The following LY9 variants were observed in gnomAD, a reference collection of about 807,000 sequenced individuals.
LY9 encodes T-lymphocyte surface antigen Ly-9.
A neutral mutation model predicts 64.6 loss-of-function variants in LY9; 59 were observed. The observed-to-expected ratio is 0.91, with a 90% CI of 0.74 to 1.13. The LOEUF is 1.13. Among genes scored for constraint, LY9 ranks in the 50% most tolerant of loss-of-function variants. The pLI is 0.00. For missense variants in LY9, 789 were observed against 797.2 expected, an observed-to-expected ratio of 0.99 and a Z score of 0.12; for synonymous variants, 281 against 308.5, an observed-to-expected ratio of 0.91 and a Z score of 0.93.
intron 6 of LY9, among the ~76,000 whole-genome samples, chr1:160,818,538 A>G (rs1668134923): frequency 6.6e-6 from 1 of 152,160 alleles, no homozygotes; most frequent in South Asian, 2.1e-4. Flanking sequence ...GGCATGTGGG[A>G]GCAGGGAGAG....
intron 2 of LY9, among the ~76,000 whole-genome samples, chr1:160,803,239 G>A (rs1961611): frequency 0.21 from 31,693 of 151,922 alleles, 3,794 homozygotes; most frequent in Admixed American, 0.33. Flanking sequence ...CCAAGATCAC[G>A]CCACTGAATG....
In LY9 at chr1:160,799,872, G is replaced by C; in HGVS notation, c.244G>C (p.Gly82Arg). Residue 82 changes from glycine (G) to arginine (R), a missense_variant, in exon 2 of 10, where the codon GGT (glycine) becomes CGT (arginine). Physicochemically the swap from Gly to Arg is moderately radical, Grantham distance 125. Transcript: ENST00000263285. ...DTEIENVIWI[G>R]PKNALAFARP... ...AGAGATTGAGAACGTCATCTGGATTGGTCCCAAAAATGCTCTTGCTTTCGC... is the reference window on the plus strand; with the variant it reads ...AGAGATTGAGAACGTCATCTGGATTCGTCCCAAAAATGCTCTTGCTTTCGC... The C allele has an allele frequency of 6.2e-7, 1 of 1,614,130 alleles. No individual in the cohort carries two copies. The highest frequency in any genetic ancestry group is 8.5e-7 in the Non-Finnish European group (1 of 1,180,000).
At chr1:160,823,834 C>A in intron 8 of LY9, 38 bp downstream of exon 8, 1 of 1,492,192 alleles carries the variant, frequency 6.7e-7, no homozygotes, top group Non-Finnish European at 9.3e-7. Context: ...CTCCTCCTCC[C>A]ATGTCTAGCG....
intron 2 of LY9, chr1:160,810,095 T>A (rs1434707101): frequency 6.6e-6 from 1 of 152,320 alleles, no homozygotes; most frequent in East Asian, 1.9e-4. Context: ...GCCAGGCTGA[T>A]CTTGAACTCC....
Position 160,827,868 on chromosome 1 carries a change from G to A in LY9, c.*52G>A. ...CTGGGACCGTGGGGTTGGAAAGTCAGCTGGACCTCATGGGGCCTGGGGCTC... is the reference window on the plus strand; with the variant it reads ...CTGGGACCGTGGGGTTGGAAAGTCAACTGGACCTCATGGGGCCTGGGGCTC... On this transcript the variant is annotated 3_prime_UTR_variant, in exon 10 of 10. Coordinates refer to ENST00000263285, the MANE Select transcript of LY9 (RefSeq NM_002348.4). 2.0e-6 allele frequency: 3 copies of A among 1,474,426 alleles called. No homozygotes were observed. The highest frequency in any genetic ancestry group is 2.8e-6 in the Non-Finnish European group (3 of 1,065,240). The allele number at this position is 1,474,426 out of a possible 1,614,324, so 91.3% of individuals were successfully genotyped here.
intron 2 of LY9, chr1:160,811,970 A>G (rs1367899860): frequency 6.6e-6 from 1 of 152,158 alleles, no homozygotes; most frequent in Non-Finnish European, 1.5e-5. Context: ...GCCACTTCAC[A>G]TTTTTAGATT....
At chr1:160,802,726 A>G in intron 2 of LY9, 1 of 919,618 alleles carries the variant, frequency 1.1e-6, no homozygotes, top group Non-Finnish European at 1.3e-6. Context: ...ATAAATAAAT[A>G]AAAAGTATCT....
At chr1:160,815,689 A>T (rs1394629382) in intron 4 of LY9, among the ~76,000 whole-genome samples, 1 of 152,238 alleles carries the variant, frequency 6.6e-6, no homozygotes, top group African/African-American at 2.4e-5. Flanking sequence ...CCTGGCCCCA[A>T]CCTGCATTTT....
Position 160,805,181 on chromosome 1 carries a change from T to A in LY9, c.454+5099T>A, listed in dbSNP as rs147648650. Among the ~76,000 whole-genome samples the A allele has an allele frequency of 6.2e-3, 949 of 152,228 alleles. 9 individuals carry two copies. The highest frequency in any genetic ancestry group is 0.022 in the African/African-American group (895 of 41,562). ...TTCTTGCTTTTCTAGCTCCTTAAAG[T>A]TCATTGTTACATTATTAATTTGTGA... is the stretch of plus-strand genomic sequence containing the variant. On this transcript the variant is annotated intron_variant, in intron 2 of 9. Transcript: ENST00000263285.
At chr1:160,802,278 C>T (rs899780925) in intron 2 of LY9, 3 of 1,009,212 alleles carry the variant, frequency 3.0e-6, no homozygotes, top group African/African-American at 1.7e-5. Context: ...AAAGACTCCT[C>T]GGGCAGCATG....
rs185053731 is a variant in LY9, at chr1:160,827,612, C to T, written c.1900-136C>T. 731 of 605,922 alleles carry T rather than the reference C, an allele frequency of 1.2e-3. 1 individual carries two copies. The highest frequency in any genetic ancestry group is 1.5e-3 in the Non-Finnish European group (518 of 356,354). The allele number at this position is 605,922 out of a possible 1,614,324, so 37.5% of individuals were successfully genotyped here. A position where few individuals can be genotyped will look rare whatever the true frequency, so the allele number is the denominator to read the frequency against. On this transcript the variant is annotated intron_variant, in intron 9 of 9. Transcript: ENST00000263285. ...TTGGCATCAGGCTGGTTGATTGCGC[C>T]ATCCCTGGGCCAGCACATATGACTC... is the stretch of plus-strand genomic sequence containing the variant.
intron 2 of LY9, among the ~76,000 whole-genome samples, chr1:160,804,189 C>T (rs1001362819): frequency 1.3e-5 from 2 of 152,180 alleles, no homozygotes; most frequent in African/African-American, 4.8e-5. Flanking sequence ...GAAAGGCTTT[C>T]AGCTTTTCCC....
At chr1:160,816,538 G>A (rs765060984) in intron 4 of LY9, 56 bp from the exon 5 acceptor site, 102 of 1,516,520 alleles carry the variant, frequency 6.7e-5, no homozygotes, top group Middle Eastern at 2.1e-4. Flanking sequence ...ATGAAGACAG[G>A]TGACTGCTCA....
intron 2 of LY9, among the ~76,000 whole-genome samples, chr1:160,805,919 C>CTTTTTTTTTTTTTTT (rs60244350): frequency 2.5e-3 from 178 of 72,064 alleles, no homozygotes; most frequent in Middle Eastern, 0.023. Flanking sequence ...CATTCTTTGT[C>CTTTTTTTTTTTTTTT]TTTTTTTTTT....
intron 6 of LY9, among the ~76,000 whole-genome samples, chr1:160,818,710 C>A (rs510143): frequency 0.6 from 90,965 of 151,876 alleles, 27,702 homozygotes; most frequent in South Asian, 0.75. Flanking sequence ...TACTGCAGCC[C>A]GCTGAGGGAA....
At chr1:160,814,901 C>A in intron 4 of LY9, 140 bp downstream of exon 4, 2 of 671,982 alleles carry the variant, frequency 3.0e-6, no homozygotes, top group Non-Finnish European at 5.0e-6. Context: ...CTGTTCAGTT[C>A]ACACCAGTTG....
rs370825546 is a variant in LY9, at chr1:160,814,789, C to T, written c.1072+28C>T. On this transcript the variant is annotated intron_variant, in intron 4 of 9. Coordinates refer to ENST00000263285, the MANE Select transcript of LY9 (RefSeq NM_002348.4). The stretch of plus-strand genomic sequence containing the variant: ...GAGTCTCTGGGCAGGGCACCCATCA[C>T]CAGATTCCTTCTCTGAAAGCTTTCT... The T allele has an allele frequency of 1.1e-5, 18 of 1,572,908 alleles. 1 individual carries two copies. The African/African-American group carries it at 2.4e-4, about 21-fold the overall frequency.
intron 6 of LY9, among the ~76,000 whole-genome samples, 199 bp downstream of exon 6, chr1:160,818,518 G>GA (rs911737044): frequency 6.0e-5 from 9 of 150,802 alleles, no homozygotes; most frequent in South Asian, 2.1e-4. Context: ...GGCTTAGACA[G>GA]AAAAAAAAAG....
Position 160,821,151 on chromosome 1 carries a change from T to TAAAAAAAAAAAAAAAAAAAAA in LY9, c.1498+1795_1498+1796insAAAAAAAAAAAAAAAAAAAAA, listed in dbSNP as rs373539992. Among the ~76,000 whole-genome samples the TAAAAAAAAAAAAAAAAAAAAA allele has an allele frequency of 9.5e-5, 10 of 105,054 alleles. 1 individual carries two copies. Among genetic ancestry groups the TAAAAAAAAAAAAAAAAAAAAA allele is most frequent in the East Asian group, 7.0e-4 (2 of 2,862 alleles). The allele number at this position is 105,054 out of a possible 152,430, so 68.9% of individuals were successfully genotyped here. ...CTGGGCAAAAAAAGTGAAACTTTGC[T>TAAAAAAAAAAAAAAAAAAAAA]AAAAAAAAAAAAAAAAAACCATATA... is the stretch of plus-strand genomic sequence containing the variant. On this transcript the variant is annotated intron_variant, in intron 7 of 9. Transcript: ENST00000263285.
Sources: gnomAD v4.1 joint callset for allele counts (sites outside exome capture counted in the v4.1 genomes callset) on GRCh38, gnomAD v4.1.1 for gene constraint, MANE v1.5 for transcripts, NCBI Gene and HGNC (gene_info 2026-07-23, HGNC 2026-07-21) for gene names.